The following ZC2HC1B variants were observed in gnomAD, a reference collection of about 807,000 sequenced individuals.
ZC2HC1B encodes the protein zinc finger C2HC domain-containing protein 1B.
In ZC2HC1B, 36 loss-of-function variants were observed where a neutral mutation model predicts 31.0. The ratio of observed to expected loss-of-function variants is 1.16; its 90% confidence interval spans 0.89 to 1.54. The LOEUF (loss-of-function observed/expected upper bound fraction) is 1.54, where lower values mean the gene tolerates loss of function less well. Ranked by LOEUF, ZC2HC1B falls within the 40% of genes most tolerant of loss-of-function variation. ZC2HC1B has a pLI of 0.00. For missense variants in ZC2HC1B, 260 were observed against 268.6 expected, an observed-to-expected ratio of 0.97 and a Z score of 0.22; for synonymous variants, 73 against 88.0, an observed-to-expected ratio of 0.83 and a Z score of 0.95.
intron 6 of ZC2HC1B, among the ~76,000 whole-genome samples, chr6:143,910,566 G>A (rs1777844806): frequency 6.6e-6 from 1 of 152,188 alleles, no homozygotes; most frequent in Non-Finnish European, 1.5e-5. Flanking sequence ...TTGGTGTGGT[G>A]TTAAAGTCTC....
intron 1 of ZC2HC1B, among the ~76,000 whole-genome samples, chr6:143,876,444 T>C (rs989316711): frequency 8.6e-5 from 13 of 150,590 alleles, no homozygotes; most frequent in African/African-American, 2.9e-4. Flanking sequence ...GTGTTCTGCA[T>C]ACTATTAGAA....
At position 143,886,803 on chromosome 6, in the gene ZC2HC1B, C is replaced by T. The variant is rs1407103085; in HGVS notation, c.331C>T (p.Pro111Ser). ...AGGCCGACCCCTCCCACCTCCACCC[C>T]CTCCATCCTTGAACCCAGGTGTGTA... The part of the protein sequence containing the change: ...KEGRPLPPPP[P>S]PSLNPDYIQR... Residue 111 changes from proline (P) to serine (S), a missense_variant, in exon 4 of 8, where the codon CCT (proline) becomes TCT (serine). Physicochemically the swap from Pro to Ser is moderately conservative, Grantham distance 74. Transcript: ENST00000237275. This position sits in a 1 kb window ranked among gnomAD's most constrained non-coding sequence, Gnocchi z 4.2. 1 of 1,536,452 alleles carries T rather than the reference C, an allele frequency of 6.5e-7. No individual in the cohort carries two copies. Among genetic ancestry groups the T allele is most frequent in the African/African-American group, 1.4e-5 (1 of 72,022 alleles).
In ZC2HC1B at chr6:143,910,534, C is replaced by G. The variant is rs778723058; in HGVS notation, c.598+7382C>G. On this transcript the variant is annotated intron_variant, in intron 6 of 7. Coordinates refer to ENST00000237275, the MANE Select transcript of ZC2HC1B (RefSeq NM_001013623.3). ...CCGAATATCTTTGTTAATTTTCTGTCTTGATGATCTGTCTAATAGTGTTGG... is the reference window on the plus strand; with the variant it reads ...CCGAATATCTTTGTTAATTTTCTGTGTTGATGATCTGTCTAATAGTGTTGG... 3.9e-5 allele frequency among the ~76,000 whole-genome samples: 6 copies of G among 152,276 alleles called. No homozygotes were observed. In the South Asian group the frequency reaches 1.2e-3, roughly 32 times the overall value.
chr6:143,903,894 G>A lies in ZC2HC1B; in HGVS notation c.598+742G>A, dbSNP rs955214053. On this transcript the variant is annotated intron_variant, in intron 6 of 7. Coordinates refer to ENST00000237275, the MANE Select transcript of ZC2HC1B (RefSeq NM_001013623.3). This position sits in a 1 kb window ranked among gnomAD's most constrained non-coding sequence, Gnocchi z 4.3. Reference sequence around the variant, plus strand: ...ATTATTTTTTATTATTGGTACACTTGGGTTTTATTTATCTATTTATTTATT... The same window carrying A: ...ATTATTTTTTATTATTGGTACACTTAGGTTTTATTTATCTATTTATTTATT... 6.6e-6 allele frequency among the ~76,000 whole-genome samples: 1 copy of A among 152,078 alleles called. No individual in the cohort carries two copies. The highest frequency in any genetic ancestry group is 2.4e-5 in the African/African-American group (1 of 41,406).
chr6:143,867,111 C>T (rs755335057), intron 1 of ZC2HC1B, among the ~76,000 whole-genome samples: 5 of 152,052 alleles, frequency 3.3e-5, no homozygotes, highest in Admixed American at 6.6e-5. Flanking sequence ...AGGTGACATA[C>T]GAAATAAAGT....
In ZC2HC1B at chr6:143,882,843, T is replaced by C. The variant is rs550790190; in HGVS notation, c.29-1461T>C. 4.8e-4 allele frequency among the ~76,000 whole-genome samples: 73 copies of C among 152,270 alleles called. 1 individual carries two copies. The highest frequency in any genetic ancestry group is 1.7e-3 in the African/African-American group (71 of 41,556). ...ATTTTTCTTCCTAAGATGGCCCTTC[T>C]TTTCAAGTTTCCTGTTTCTATCCCA... On this transcript the variant is annotated intron_variant, in intron 1 of 7. Transcript: ENST00000237275.
Position 143,874,246 on chromosome 6 carries a change from A to G in ZC2HC1B, c.28+9679A>G, listed in dbSNP as rs371372568. 6.4e-4 allele frequency among the ~76,000 whole-genome samples: 97 copies of G among 152,280 alleles called. No homozygotes were observed. The South Asian group carries it at 0.013, about 21-fold the overall frequency. ...AAGTTCCTCATCTCCATCTGAGATC[A>G]CCTCAACCTGGACCTTATTGTTCAT... On this transcript the variant is annotated intron_variant, in intron 1 of 7. Transcript: ENST00000237275.
At chr6:143,914,148 T>A (rs1777891045) in intron 6 of ZC2HC1B, among the ~76,000 whole-genome samples, 3 of 152,234 alleles carry the variant, frequency 2.0e-5, no homozygotes, top group Admixed American at 1.3e-4. Context: ...TTTGTTCTTC[T>A]CGCATTCCTT....
At chr6:143,894,162 T>C (rs550011546) in intron 4 of ZC2HC1B, among the ~76,000 whole-genome samples, 1 of 151,498 alleles carries the variant, frequency 6.6e-6, no homozygotes, top group African/African-American at 2.4e-5. Flanking sequence ...AACAATTGAA[T>C]AGATAAACAG....
chr6:143,927,920 G>T (rs1778071145), intron 6 of ZC2HC1B, among the ~76,000 whole-genome samples: 1 of 151,940 alleles, frequency 6.6e-6, no homozygotes, highest in South Asian at 2.1e-4. Flanking sequence ...TGCTTTTTGG[G>T]CATTTTTATG....
Position 143,875,052 on chromosome 6 carries a change from C to T in ZC2HC1B, c.29-9252C>T, listed in dbSNP as rs191355963. ...TTCATCATATTGGCCAGGGTGGTCT[C>T]GAACTCCTGACCTCAAGTGATCTGC... On this transcript the variant is annotated intron_variant, in intron 1 of 7. Coordinates refer to ENST00000237275, the MANE Select transcript of ZC2HC1B (RefSeq NM_001013623.3). Among the ~76,000 whole-genome samples, 18 of 152,188 alleles carry T rather than the reference C, an allele frequency of 1.2e-4. No individual in the cohort carries two copies. The East Asian group carries it at 2.9e-3, about 24-fold the overall frequency.
At chr6:143,935,377 T>C (rs1582981610) in intron 6 of ZC2HC1B, among the ~76,000 whole-genome samples, 1 of 151,874 alleles carries the variant, frequency 6.6e-6, no homozygotes, top group Non-Finnish European at 1.5e-5. Context: ...GCACAGGCTG[T>C]GATGGTCAGG....
At position 143,869,355 on chromosome 6, in the gene ZC2HC1B, T is replaced by C. The variant is rs35961442; in HGVS notation, c.28+4788T>C. On this transcript the variant is annotated intron_variant, in intron 1 of 7. Coordinates refer to ENST00000237275, the MANE Select transcript of ZC2HC1B (RefSeq NM_001013623.3). The surrounding 1 kb of genome is among the most constrained non-coding windows in gnomAD (Gnocchi z 5.2). ...CGTATTGTCACCTAGTTGTTGTAAT[T>C]GTGACTTCAAAAGGCCATCCCACCG... Among the ~76,000 whole-genome samples, 1,198 of 152,332 alleles carry C rather than the reference T, an allele frequency of 7.9e-3. 7 individuals are homozygous for C. The highest frequency in any genetic ancestry group is 0.014 in the Non-Finnish European group (958 of 68,030).
rs1429963236 is a variant in ZC2HC1B, at chr6:143,922,703, C to T, written c.599-14946C>T. The stretch of plus-strand genomic sequence containing the variant: ...AATAGTATTCCACTGAGTATATATA[C>T]CACATTTTCTTTTTTTCAAATTTTA... On this transcript the variant is annotated intron_variant, in intron 6 of 7. Transcript: ENST00000237275. This position sits in a 1 kb window ranked among gnomAD's most constrained non-coding sequence, Gnocchi z 5.0. Among the ~76,000 whole-genome samples, 1 of 152,006 alleles carries T rather than the reference C, an allele frequency of 6.6e-6. No individual in the cohort carries two copies. The highest frequency in any genetic ancestry group is 2.4e-5 in the African/African-American group (1 of 41,388).
In ZC2HC1B at chr6:143,864,494, G is replaced by A; in HGVS notation, c.-46G>A. 1 of 1,549,716 alleles carries A rather than the reference G, an allele frequency of 6.5e-7. No individual in the cohort carries two copies. Among genetic ancestry groups the A allele is most frequent in the East Asian group, 2.4e-5 (1 of 40,902 alleles). On this transcript the variant is annotated 5_prime_UTR_variant, in exon 1 of 8. Coordinates refer to ENST00000237275, the MANE Select transcript of ZC2HC1B (RefSeq NM_001013623.3). ...TGACTAGTATGATGTTATCTGGACT[G>A]GGCTGTAAAAATCTGTGAACACTGT... is the stretch of plus-strand genomic sequence containing the variant.
In ZC2HC1B at chr6:143,885,907, TA is replaced by T; in HGVS notation, c.91-124del. ...ATGGATTTGCTCTGCTGTGACCTGT[TA>T]GAGAATGAACTAGGCTCTGAGGAGC... On this transcript the variant is annotated intron_variant, in intron 2 of 7. Transcript: ENST00000237275. The surrounding 1 kb of genome is among the most constrained non-coding windows in gnomAD (Gnocchi z 4.2). 1 of 1,093,988 alleles carries T rather than the reference TA, an allele frequency of 9.1e-7. No homozygotes were observed. Among genetic ancestry groups the T allele is most frequent in the Middle Eastern group, 2.1e-4 (1 of 4,674 alleles). The allele number at this position is 1,093,988 out of a possible 1,614,324, so 67.8% of individuals were successfully genotyped here. A position where few individuals can be genotyped will look rare whatever the true frequency, so the allele number is the denominator to read the frequency against.
chr6:143,937,905 G>T (rs987118039), intron 7 of ZC2HC1B, among the ~76,000 whole-genome samples, 172 bp downstream of exon 7: 21 of 152,182 alleles, frequency 1.4e-4, no homozygotes, highest in Non-Finnish European at 2.6e-4. Context: ...GTTTAAAGAG[G>T]ATATTCAGTT....
chr6:143,936,306 C>T (rs1231934227), intron 6 of ZC2HC1B, among the ~76,000 whole-genome samples: 1 of 152,062 alleles, frequency 6.6e-6, no homozygotes, highest in Non-Finnish European at 1.5e-5. Context: ...GTGAGGAGGT[C>T]GATGTACTAT....
chr6:143,890,132 T>G (rs1213524407), intron 4 of ZC2HC1B, among the ~76,000 whole-genome samples: 1 of 152,120 alleles, frequency 6.6e-6, no homozygotes, highest in Non-Finnish European at 1.5e-5. Context: ...CATCTAACTT[T>G]GTGGGATGCA....
Sources: gnomAD v4.1 joint callset for allele counts (sites outside exome capture counted in the v4.1 genomes callset) on GRCh38, gnomAD v4.1.1 for gene constraint, Gnocchi (gnomAD v3.1) non-coding constraint, MANE v1.5 for transcripts, NCBI Gene and HGNC (gene_info 2026-07-23, HGNC 2026-07-21) for gene names.